GRM8: variants seen among roughly 807,000 people sequenced by gnomAD.
The protein encoded by GRM8 is metabotropic glutamate receptor 8.
GRM8 carries 47 observed loss-of-function variants against 87.2 expected under a neutral mutation model. That is an observed-to-expected ratio of 0.54 (90% confidence interval 0.43 to 0.69). The LOEUF is 0.69. Among genes scored for constraint, GRM8 ranks in the 30% least tolerant of loss-of-function variants. The probability of loss-of-function intolerance (pLI) is 0.00; values close to 1 mark genes in which losing one functional copy is unlikely to be tolerated. For synonymous variants in GRM8, 396 were observed against 404.5 expected (o/e 0.98, Z 0.25); for missense variants, 1,019 against 1,139.2 (o/e 0.89, Z 1.52).
At position 126,903,792 on chromosome 7, in the gene GRM8, T is replaced by TAC. The variant is rs1246646863; in HGVS notation, c.1018+179_1018+180insGT. ...GTGTGTGTGTATATATATATATATA[T>TAC]ATATATATATGCATATGCATGCTGG... On this transcript the variant is annotated intron_variant, in intron 5 of 10. Transcript: ENST00000339582. Among the ~76,000 whole-genome samples, 42 of 147,146 alleles carry TAC rather than the reference T, an allele frequency of 2.9e-4. 1 individual carries two copies. The highest frequency in any genetic ancestry group is 1.0e-3 in the African/African-American group (41 of 40,194).
intron 3 of GRM8, among the ~76,000 whole-genome samples, chr7:127,061,028 T>C (rs1486873419): frequency 6.6e-6 from 1 of 152,318 alleles, no homozygotes; most frequent in Middle Eastern, 3.4e-3. Flanking sequence ...CCTGCCTCCA[T>C]GTTGCACACC....
chr7:126,759,046 C>T (rs1817316666), intron 7 of GRM8, among the ~76,000 whole-genome samples: 1 of 151,914 alleles, frequency 6.6e-6, no homozygotes, highest in Admixed American at 6.6e-5. Flanking sequence ...TACAGGTGCG[C>T]ATCACCACGC....
At chr7:126,672,209 C>T (rs1026565735) in intron 7 of GRM8, among the ~76,000 whole-genome samples, 1 of 152,200 alleles carries the variant, frequency 6.6e-6, no homozygotes, top group Non-Finnish European at 1.5e-5. Flanking sequence ...TTCCTATTCT[C>T]TAGGTCCTCC....
At chr7:127,211,162 A>G (rs764863637) in intron 2 of GRM8, among the ~76,000 whole-genome samples, 6 of 152,206 alleles carry the variant, frequency 3.9e-5, no homozygotes, top group Non-Finnish European at 8.8e-5. Context: ...ACAACAGGCC[A>G]TTTGCAAGTT....
At chr7:127,126,015 A>G (rs546833079) in intron 2 of GRM8, among the ~76,000 whole-genome samples, 1 of 151,338 alleles carries the variant, frequency 6.6e-6, no homozygotes, top group South Asian at 2.1e-4. Flanking sequence ...GGAATGCTTT[A>G]TACTGTTGGT....
intron 7 of GRM8, among the ~76,000 whole-genome samples, chr7:126,718,737 A>AC (rs750837769): frequency 5.9e-5 from 9 of 152,202 alleles, no homozygotes; most frequent in Non-Finnish European, 1.2e-4. Context: ...CCTGAGTGCC[A>AC]CGAGGTTCCA....
chr7:126,558,167 TGGTAG>T lies in GRM8; in HGVS notation c.1495-24285_1495-24281del, dbSNP rs1348341299. Among the ~76,000 whole-genome samples, 7 of 152,308 alleles carry T rather than the reference TGGTAG, an allele frequency of 4.6e-5. No individual in the cohort carries two copies. In the East Asian group the frequency reaches 1.3e-3, roughly 29 times the overall value. On this transcript the variant is annotated intron_variant, in intron 8 of 10. Transcript: ENST00000339582. ...AATTCTAGGTAGCATTTATGATTTGTGGTAGGTTAGCAGAGAGTTAAGTACATGTA... is the reference window on the plus strand; with the variant it reads ...AATTCTAGGTAGCATTTATGATTTGTGTTAGCAGAGAGTTAAGTACATGTA...
intron 9 of GRM8, among the ~76,000 whole-genome samples, chr7:126,513,933 T>C (rs1202198514): frequency 6.7e-6 from 1 of 150,160 alleles, no homozygotes; most frequent in Non-Finnish European, 1.5e-5. Context: ...ATCGGAGTTC[T>C]TTTTAGGTGT....
intron 2 of GRM8, among the ~76,000 whole-genome samples, chr7:127,207,451 A>G (rs150281945): frequency 3.3e-5 from 5 of 152,338 alleles, no homozygotes; most frequent in African/African-American, 1.2e-4. Context: ...TGAGCCAAGT[A>G]CCAATGTGAA....
intron 3 of GRM8, among the ~76,000 whole-genome samples, chr7:127,059,318 T>A (rs17861401): frequency 3.5e-5 from 5 of 144,256 alleles, no homozygotes; most frequent in Non-Finnish European, 6.1e-5. Context: ...TTCATATAAA[T>A]TTTTTTTTTT....
chr7:126,923,836 C>T (rs986073895), intron 3 of GRM8, among the ~76,000 whole-genome samples: 2 of 152,126 alleles, frequency 1.3e-5, no homozygotes, highest in Admixed American at 1.3e-4. Flanking sequence ...GGCATGAGTG[C>T]TTTTAGGAAG....
chr7:126,982,568 C>A (rs915101841), intron 3 of GRM8, among the ~76,000 whole-genome samples: 8 of 152,096 alleles, frequency 5.3e-5, no homozygotes, highest in African/African-American at 1.9e-4. Context: ...ATAGAGTTAA[C>A]AATACTTAAA....
chr7:126,874,752 T>G (rs1171782950), intron 6 of GRM8, among the ~76,000 whole-genome samples: 1 of 152,162 alleles, frequency 6.6e-6, no homozygotes, highest in African/African-American at 2.4e-5. Flanking sequence ...ATGTTCCTTC[T>G]GCATTGCCCA....
At chr7:126,734,013 T>G (rs944621960) in intron 7 of GRM8, among the ~76,000 whole-genome samples, 1 of 152,046 alleles carries the variant, frequency 6.6e-6, no homozygotes, top group Non-Finnish European at 1.5e-5. Flanking sequence ...TATCAATAAC[T>G]TCTTAATATA....
intron 2 of GRM8, among the ~76,000 whole-genome samples, chr7:127,240,388 T>A (rs2116864378): frequency 6.6e-6 from 1 of 150,912 alleles, no homozygotes; most frequent in Middle Eastern, 3.4e-3. Flanking sequence ...AACACAATCT[T>A]ATTATTCCCA....
intron 2 of GRM8, among the ~76,000 whole-genome samples, chr7:127,221,015 CAA>C (rs1796894905): frequency 6.6e-6 from 1 of 152,186 alleles, no homozygotes; most frequent in African/African-American, 2.4e-5. Context: ...TCCAAGTCCC[CAA>C]AGTCACCTGC....
At chr7:126,940,461 G>T (rs1563336351) in intron 3 of GRM8, among the ~76,000 whole-genome samples, 1 of 152,086 alleles carries the variant, frequency 6.6e-6, no homozygotes, top group Admixed American at 6.5e-5. Context: ...GGCCGCATAT[G>T]GTGGGCACTC....
intron 3 of GRM8, among the ~76,000 whole-genome samples, chr7:126,978,582 A>T (rs1181868343): frequency 2.0e-5 from 3 of 152,214 alleles, no homozygotes. Context: ...AGAATGGCTC[A>T]GCTTGGGAGC....
chr7:126,501,875 C>G (rs1809701639), intron 9 of GRM8, among the ~76,000 whole-genome samples: 2 of 151,958 alleles, frequency 1.3e-5, no homozygotes, highest in African/African-American at 4.8e-5. Context: ...TTTAATCAGC[C>G]AGAAGGACCT....
Sources: allele counts gnomAD v4.1 joint callset (sites outside exome capture counted in the v4.1 genomes callset), GRCh38; gene constraint gnomAD v4.1.1; transcripts MANE v1.5; gene names NCBI Gene and HGNC (gene_info 2026-07-23, HGNC 2026-07-21).